Variants in JAKMIP1 observed in about 807,000 individuals in gnomAD.
JAKMIP1 encodes the protein janus kinase and microtubule interacting protein 1, also known as janus kinase and microtubule-interacting protein 1.
In JAKMIP1, 33 loss-of-function variants were observed where a neutral mutation model predicts 113.0. The ratio of observed to expected loss-of-function variants is 0.29; its 90% CI spans 0.22 to 0.39. JAKMIP1 has a LOEUF of 0.39. Among genes scored for constraint, JAKMIP1 ranks in the 10% least tolerant of loss-of-function variants. The pLI, the probability that JAKMIP1 is intolerant of heterozygous loss-of-function variation, is 1.00. For missense variants in JAKMIP1, 813 were observed against 1,080.5 expected (o/e 0.75, Z 3.47); for synonymous variants, 480 against 459.9 (o/e 1.04, Z -0.56).
chr4:6,166,504 G>T (rs956263045), intron 1 of JAKMIP1, among the ~76,000 whole-genome samples: 4 of 152,204 alleles, frequency 2.6e-5, no homozygotes, highest in Non-Finnish European at 5.9e-5. Flanking sequence ...CAGGATGTGT[G>T]CAGGCCCAGG....
In JAKMIP1 at chr4:6,112,790, T is replaced by A. The variant is rs1715161235; in HGVS notation, c.61A>T (p.Met21Leu). Reference protein sequence around the residue: ...KPEMETDAVQMANEELRAKLT... With the variant: ...KPEMETDAVQLANEELRAKLT... ...TTGGCCCGCAGCTCCTCGTTGGCCA[T>A]CTGCACCGCGTCCGTCTCCATCTCG... The change falls in exon 2 of 21, where the codon ATG (methionine) becomes TTG (leucine). Residue 21 changes from methionine (M) to leucine (L), a missense_variant. By Grantham distance (15) the Met-to-Leu change is conservative (BLOSUM62 2). Around this residue, in one of 2 missense-constraint regions of JAKMIP1, gnomAD observed 540 missense variants for 653.9 expected, o/e 0.83. Transcript: ENST00000409021. 1 of 1,614,024 alleles carries A rather than the reference T, an allele frequency of 6.2e-7. No homozygotes were observed. Among genetic ancestry groups the A allele is most frequent in the Non-Finnish European group, 8.5e-7 (1 of 1,180,054 alleles).
chr4:6,096,582 C>T (rs1467411854), intron 3 of JAKMIP1, among the ~76,000 whole-genome samples: 1 of 152,182 alleles, frequency 6.6e-6, no homozygotes, highest in Non-Finnish European at 1.5e-5. Flanking sequence ...TTGGACATTG[C>T]TTTTAATCCT....
chr4:6,185,661 C>T lies in JAKMIP1; in HGVS notation c.-148+14592G>A, dbSNP rs1282905393. ...AGACTCCGTCTCAAAAAAACAAAAG[C>T]CAGACCCCAGCTGCAGAGTCCCTGA... On this transcript the variant is annotated intron_variant, in intron 1 of 20. Transcript: ENST00000409021. This position sits in a 1 kb window ranked among gnomAD's most constrained non-coding sequence, Gnocchi z 5.3. Among the ~76,000 whole-genome samples, 1 of 152,004 alleles carries T rather than the reference C, an allele frequency of 6.6e-6. No homozygotes were observed. Among genetic ancestry groups the T allele is most frequent in the East Asian group, 1.9e-4 (1 of 5,178 alleles).
chr4:6,186,089 GA>G lies in JAKMIP1; in HGVS notation c.-148+14163del, dbSNP rs1253400349. ...CACAGTGTCTGGCTAGGGGCTACAG[GA>G]AGGAGAACGAACAAGTTGTGGTGAG... On this transcript the variant is annotated intron_variant, in intron 1 of 20. Transcript: ENST00000409021. The surrounding 1 kb of genome is among the most constrained non-coding windows in gnomAD (Gnocchi z 5.5). Among the ~76,000 whole-genome samples, 1 of 152,116 alleles carries G rather than the reference GA, an allele frequency of 6.6e-6. No homozygotes were observed. Among genetic ancestry groups the G allele is most frequent in the Non-Finnish European group, 1.5e-5 (1 of 67,994 alleles).
At chr4:6,036,727 A>G (rs968839832) in intron 18 of JAKMIP1, among the ~76,000 whole-genome samples, 1 of 152,226 alleles carries the variant, frequency 6.6e-6, no homozygotes, top group African/African-American at 2.4e-5. Flanking sequence ...TCACAGCAAG[A>G]CACTTAAATG....
intron 1 of JAKMIP1, among the ~76,000 whole-genome samples, chr4:6,198,466 G>A (rs999125636): frequency 1.3e-5 from 2 of 152,118 alleles, no homozygotes; most frequent in Non-Finnish European, 2.9e-5. Context: ...GTGAGGTCGT[G>A]GGGGCGGTGG....
Position 6,155,993 on chromosome 4 carries a change from C to T in JAKMIP1, c.-147-42996G>A, listed in dbSNP as rs567878055. Among the ~76,000 whole-genome samples, 8 of 152,182 alleles carry T rather than the reference C, an allele frequency of 5.3e-5. No homozygotes were observed. Among genetic ancestry groups the T allele is most frequent in the Admixed American group, 1.3e-4 (2 of 15,278 alleles). ...AAGGGTCAGCTCTGTGACTTCTGTCCGTGGTGGGTTCCTCAGTGCGTAGAA... is the reference window on the plus strand; with the variant it reads ...AAGGGTCAGCTCTGTGACTTCTGTCTGTGGTGGGTTCCTCAGTGCGTAGAA... On this transcript the variant is annotated intron_variant, in intron 1 of 20. Coordinates refer to ENST00000409021, the MANE Select transcript of JAKMIP1 (RefSeq NM_001099433.2). This position sits in a 1 kb window ranked among gnomAD's most constrained non-coding sequence, Gnocchi z 6.1.
chr4:6,114,245 G>A (rs562165221), intron 1 of JAKMIP1, among the ~76,000 whole-genome samples: 1 of 152,306 alleles, frequency 6.6e-6, no homozygotes, highest in South Asian at 2.1e-4. Flanking sequence ...TGGCAAGGAA[G>A]GCCATGAACA....
chr4:6,053,964 A>G, intron 13 of JAKMIP1, 86 bp downstream of exon 13: 1 of 1,609,820 alleles, frequency 6.2e-7, no homozygotes, highest in Non-Finnish European at 8.5e-7. Context: ...GCTTGAAAAC[A>G]TCTGAGAGCT....
chr4:6,138,529 A>C lies in JAKMIP1; in HGVS notation c.-147-25532T>G, dbSNP rs1719600175. Among the ~76,000 whole-genome samples the C allele has an allele frequency of 2.0e-5, 3 of 152,036 alleles. No homozygotes were observed. Among genetic ancestry groups the C allele is most frequent in the African/African-American group, 7.3e-5 (3 of 41,356 alleles). On this transcript the variant is annotated intron_variant, in intron 1 of 20. Coordinates refer to ENST00000409021, the MANE Select transcript of JAKMIP1 (RefSeq NM_001099433.2). The surrounding 1 kb of genome is among the most constrained non-coding windows in gnomAD (Gnocchi z 6.0). ...TGGGATTACAGGCGTGAGCCACTGCACCTGGCCTAGAATCCAAGTTAAAAT... is the reference window on the plus strand; with the variant it reads ...TGGGATTACAGGCGTGAGCCACTGCCCCTGGCCTAGAATCCAAGTTAAAAT...
chr4:6,133,385 T>A (rs560122545), intron 1 of JAKMIP1, among the ~76,000 whole-genome samples: 2 of 152,326 alleles, frequency 1.3e-5, no homozygotes, highest in African/African-American at 4.8e-5. Context: ...TACTCCGTAT[T>A]ATTTATACTT....
chr4:6,171,877 A>G (rs1724773175), intron 1 of JAKMIP1, among the ~76,000 whole-genome samples: 1 of 152,238 alleles, frequency 6.6e-6, no homozygotes, highest in African/African-American at 2.4e-5. Context: ...AAGTGGGGAC[A>G]ATGCCTGTTT....
rs1284826399 is a variant in JAKMIP1 at position 6,157,630 on chromosome 4, G to A, written c.-148+42623C>T. Among the ~76,000 whole-genome samples the A allele has an allele frequency of 6.6e-6, 1 of 152,126 alleles. No individual in the cohort carries two copies. Among genetic ancestry groups the A allele is most frequent in the East Asian group, 1.9e-4 (1 of 5,184 alleles). On this transcript the variant is annotated intron_variant, in intron 1 of 20. Coordinates refer to ENST00000409021, the MANE Select transcript of JAKMIP1 (RefSeq NM_001099433.2). This position sits in a 1 kb window ranked among gnomAD's most constrained non-coding sequence, Gnocchi z 4.7. ...GAGCTACAATCCCACCAGAATCCCA[G>A]CTCAGCCATCTTCCCCAGCGTAGCC...
At chr4:6,045,363 C>T (rs541217972) in intron 16 of JAKMIP1, among the ~76,000 whole-genome samples, 49 of 152,288 alleles carry the variant, frequency 3.2e-4, no homozygotes, top group Non-Finnish European at 1.0e-4. Flanking sequence ...TGCCATGTGC[C>T]GAGGTGAGTG....
rs71173403 is a variant in JAKMIP1 at position 6,080,984 on chromosome 4, TACACACACACAC to T, written c.1101+613_1101+624del. On this transcript the variant is annotated intron_variant, in intron 6 of 20. Coordinates refer to ENST00000409021, the MANE Select transcript of JAKMIP1 (RefSeq NM_001099433.2). The surrounding 1 kb of genome is among the most constrained non-coding windows in gnomAD (Gnocchi z 6.0). ...GGAGAGGACTTCACACAACAGCAAT[TACACACACACAC>T]ACACACACACACACACACCTGCATC... is the stretch of plus-strand genomic sequence containing the variant. Among the ~76,000 whole-genome samples the T allele has an allele frequency of 1.4e-5, 2 of 141,068 alleles. No individual in the cohort carries two copies. Among genetic ancestry groups the T allele is most frequent in the Non-Finnish European group, 3.0e-5 (2 of 66,090 alleles). 92.5% of individuals were successfully genotyped at this position (141,068 alleles called of 152,430 possible).
intron 16 of JAKMIP1, among the ~76,000 whole-genome samples, chr4:6,043,958 A>G (rs1453306040): frequency 1.3e-5 from 2 of 151,764 alleles, no homozygotes; most frequent in African/African-American, 4.8e-5. Context: ...CATCCTAACT[A>G]CACAGAGCTC....
At chr4:6,132,709 G>A (rs1313667913) in intron 1 of JAKMIP1, among the ~76,000 whole-genome samples, 1 of 151,288 alleles carries the variant, frequency 6.6e-6, no homozygotes, top group Non-Finnish European at 1.5e-5. Flanking sequence ...AAAGATTAAG[G>A]GTCACAAACA....
rs1354942653 is a variant in JAKMIP1 at position 6,156,123 on chromosome 4, T to C, written c.-147-43126A>G. On this transcript the variant is annotated intron_variant, in intron 1 of 20. Coordinates refer to ENST00000409021, the MANE Select transcript of JAKMIP1 (RefSeq NM_001099433.2). The surrounding 1 kb of genome is among the most constrained non-coding windows in gnomAD (Gnocchi z 5.0). ...TAATCTGTTGGCATTTCTAAATACC[T>C]GACCCATCTGTGTGTTTCTTGGGAG... is the stretch of plus-strand genomic sequence containing the variant. Among the ~76,000 whole-genome samples, 1 of 152,250 alleles carries C rather than the reference T, an allele frequency of 6.6e-6. No individual in the cohort carries two copies. Among genetic ancestry groups the C allele is most frequent in the Non-Finnish European group, 1.5e-5 (1 of 68,048 alleles).
intron 19 of JAKMIP1, among the ~76,000 whole-genome samples, chr4:6,032,481 C>T (rs1712839692): frequency 6.6e-6 from 1 of 152,160 alleles, no homozygotes; most frequent in Non-Finnish European, 1.5e-5. Context: ...CTGAGCCTCA[C>T]TCTGCTCCCC....
Sources: gnomAD v4.1 joint callset for allele counts (sites outside exome capture counted in the v4.1 genomes callset) on GRCh38, gnomAD v4.1.1 for gene constraint, gnomAD v4.1.1 regional missense constraint, Gnocchi (gnomAD v3.1) non-coding constraint, MANE v1.5 for transcripts, NCBI Gene and HGNC (gene_info 2026-07-23, HGNC 2026-07-21) for gene names.